Variants in MTHFD1L observed in about 807,000 individuals in gnomAD.
The protein encoded by MTHFD1L is monofunctional C1-tetrahydrofolate synthase, mitochondrial.
In MTHFD1L, 81 loss-of-function variants were observed where a neutral mutation model predicts 119.5. The observed-to-expected ratio is 0.68, with a 90% CI of 0.57 to 0.82. The LOEUF is 0.82. MTHFD1L is among the 40% of genes least tolerant of loss of function. The pLI is 0.00. For missense variants in MTHFD1L, 1,125 were observed against 1,253.4 expected, an observed-to-expected ratio of 0.90 and a Z score of 1.55; for synonymous variants, 430 against 475.2, an observed-to-expected ratio of 0.90 and a Z score of 1.24.
At chr6:151,094,871 GT>G (rs1423562246) in intron 27 of MTHFD1L, among the ~76,000 whole-genome samples, 3 of 152,148 alleles carry the variant, frequency 2.0e-5, no homozygotes, top group African/African-American at 7.2e-5. Context: ...TAGAGATGGG[GT>G]TTTACCGTGT....
chr6:151,045,154 A>C (rs1787794464), intron 26 of MTHFD1L, among the ~76,000 whole-genome samples: 1 of 152,096 alleles, frequency 6.6e-6, no homozygotes, highest in Non-Finnish European at 1.5e-5. Context: ...CATGGAGGAG[A>C]ATTCATTCAG....
At chr6:151,088,399 G>GA (rs11400076) in intron 26 of MTHFD1L, 152,264 of 152,268 alleles carry the variant, frequency 1, 76,130 homozygotes, top group Middle Eastern at 1. Flanking sequence ...AAGAAAAGTT[G>GA]AAACAAGAGG....
intron 19 of MTHFD1L, among the ~76,000 whole-genome samples, chr6:150,966,957 G>A (rs188140099): frequency 6.6e-6 from 1 of 152,346 alleles, no homozygotes; most frequent in East Asian, 1.9e-4. Flanking sequence ...CAGCCCCGGG[G>A]GAGGGGTGCA....
intron 20 of MTHFD1L, among the ~76,000 whole-genome samples, chr6:151,002,629 C>T (rs911250276): frequency 1.2e-4 from 19 of 152,168 alleles, no homozygotes; most frequent in African/African-American, 4.6e-4. Context: ...TGGGTTGTAG[C>T]GACCATACTG....
At chr6:150,973,003 A>T (rs1356646276) in intron 20 of MTHFD1L, among the ~76,000 whole-genome samples, 3 of 152,220 alleles carry the variant, frequency 2.0e-5, no homozygotes. Context: ...CAGCAAGGAA[A>T]CAAAAGACAA....
chr6:151,015,033 G>A, intron 23 of MTHFD1L, 53 bp downstream of exon 23: 1 of 1,435,666 alleles, frequency 7.0e-7, no homozygotes, highest in Non-Finnish European at 9.8e-7. Context: ...GCCACCCTGT[G>A]AACGATATTT....
intron 22 of MTHFD1L, among the ~76,000 whole-genome samples, chr6:151,014,403 C>T (rs761384634): frequency 2.0e-5 from 3 of 152,246 alleles, no homozygotes; most frequent in Admixed American, 6.5e-5. Context: ...GAAGCTTACA[C>T]TTCTGTATTC....
At chr6:151,091,194 G>T in intron 26 of MTHFD1L, among the ~76,000 whole-genome samples, 1 of 138,594 alleles carries the variant, frequency 7.2e-6, no homozygotes, top group Admixed American at 7.2e-5. Flanking sequence ...GTGCAGCATC[G>T]TTCCATGCGA....
intron 11 of MTHFD1L, among the ~76,000 whole-genome samples, chr6:150,932,718 A>G (rs1355677199): frequency 6.6e-6 from 1 of 151,204 alleles, no homozygotes; most frequent in Non-Finnish European, 1.5e-5. Context: ...CAGTGAGCTG[A>G]GATTGTGCCA....
intron 8 of MTHFD1L, among the ~76,000 whole-genome samples, chr6:150,916,737 CTTTTTTTTTTTTTTTTT>C (rs57961829): frequency 4.2e-4 from 30 of 72,126 alleles, no homozygotes; most frequent in Non-Finnish European, 5.2e-4. Flanking sequence ...GATTCTATCC[CTTTTTTTTTTTTTTTTT>C]TTTTTTTTTT....
chr6:150,994,592 T>A (rs1779572600), intron 20 of MTHFD1L, among the ~76,000 whole-genome samples: 1 of 152,200 alleles, frequency 6.6e-6, no homozygotes, highest in African/African-American at 2.4e-5. Context: ...TACACAGACA[T>A]GATTAGGATT....
intron 24 of MTHFD1L, among the ~76,000 whole-genome samples, chr6:151,030,125 C>T (rs1207997069): frequency 2.0e-5 from 3 of 152,184 alleles, no homozygotes; most frequent in African/African-American, 4.8e-5. Context: ...ACTGACTCAA[C>T]GTGTGCAGTA....
intron 11 of MTHFD1L, among the ~76,000 whole-genome samples, chr6:150,932,260 T>C (rs1791188805): frequency 6.7e-6 from 1 of 148,290 alleles, no homozygotes; most frequent in South Asian, 2.1e-4. Context: ...GCAAAGAGGG[T>C]GAGCATTGTC....
At chr6:151,022,705 G>A (rs537085075) in intron 24 of MTHFD1L, among the ~76,000 whole-genome samples, 117 of 152,222 alleles carry the variant, frequency 7.7e-4, no homozygotes, top group African/African-American at 2.7e-3. Context: ...CACGCCCAGG[G>A]CCAGCCTGAG....
At chr6:150,881,051 G>C (rs1781318197) in intron 4 of MTHFD1L, among the ~76,000 whole-genome samples, 1 of 152,084 alleles carries the variant, frequency 6.6e-6, no homozygotes, top group South Asian at 2.1e-4. Flanking sequence ...TCTCTGCTTT[G>C]TTGATTGTTT....
intron 20 of MTHFD1L, among the ~76,000 whole-genome samples, chr6:150,983,435 T>C (rs1293290356): frequency 6.6e-6 from 1 of 152,172 alleles, no homozygotes. Flanking sequence ...TGGTGATATG[T>C]GCATCAGTGG....
At chr6:150,939,893 C>T (rs796920357) in intron 13 of MTHFD1L, among the ~76,000 whole-genome samples, 6 of 152,130 alleles carry the variant, frequency 3.9e-5, no homozygotes, top group African/African-American at 1.4e-4. Flanking sequence ...CCATGTTGGC[C>T]AGGCTTGTCT....
At chr6:150,876,247 G>C in intron 2 of MTHFD1L, 73 bp downstream of exon 2, 1 of 1,212,832 alleles carries the variant, frequency 8.2e-7, no homozygotes, top group Non-Finnish European at 1.1e-6. Flanking sequence ...GTATACAAAA[G>C]AGCAGCTGCA....
At chr6:150,939,885 A>G (rs4869958) in intron 13 of MTHFD1L, among the ~76,000 whole-genome samples, 52,608 of 151,436 alleles carry the variant, frequency 0.35, 10,396 homozygotes, top group African/African-American at 0.54. Flanking sequence ...GGGTTTCACC[A>G]TGTTGGCCAG....
Sources: allele counts gnomAD v4.1 joint callset (sites outside exome capture counted in the v4.1 genomes callset), GRCh38; gene constraint gnomAD v4.1.1; transcripts MANE v1.5; gene names NCBI Gene and HGNC (gene_info 2026-07-23, HGNC 2026-07-21).